Variants in GK observed in about 807,000 individuals in gnomAD.
GK encodes glycerol kinase, also known as ATP:glycerol 3-phosphotransferase.
In GK, 9 loss-of-function variants were observed where a neutral mutation model predicts 56.4. That is an observed-to-expected ratio of 0.16 (90% CI 0.10 to 0.28). The LOEUF (loss-of-function observed/expected upper bound fraction) is 0.28. Ranked by LOEUF, GK falls within the 10% of genes least tolerant of loss-of-function variation. The pLI, the probability that GK is intolerant of heterozygous loss-of-function variation, is 1.00. For synonymous variants in GK, 104 were observed against 144.1 expected (o/e 0.72, Z 1.99); for missense variants, 161 against 431.4 (o/e 0.37, Z 5.55).
rs12844258 is a variant in GK, at chrX:30,696,691, A to G, written c.729+8A>G. The G allele has an allele frequency of 7.9e-6, 9 of 1,136,513 alleles. No homozygotes were observed. Among genetic ancestry groups the G allele is most frequent in the Non-Finnish European group, 9.6e-6 (8 of 829,194 alleles). 93.7% of individuals were successfully genotyped at this position (1,136,513 alleles called of 1,213,427 possible). Reference sequence around the variant, plus strand: ...GAGATCTATGGCCTAATGGTAAAAAACAAACAAACAAACAAAAAACACACC... The same window carrying G: ...GAGATCTATGGCCTAATGGTAAAAAGCAAACAAACAAACAAAAAACACACC... On this transcript the variant is annotated splice_region_variant and intron_variant, in intron 8 of 20. Transcript: ENST00000427190.
At chrX:30,655,427 CA>C (rs1351127899) in intron 1 of GK, among the ~76,000 whole-genome samples, 4 of 111,768 alleles carry the variant, frequency 3.6e-5, no homozygotes, top group Non-Finnish European at 5.6e-5. Flanking sequence ...GAGAGATATC[CA>C]GGTCAAGGGG....
intron 6 of GK, among the ~76,000 whole-genome samples, chrX:30,695,423 G>C (rs1022603976): frequency 8.9e-6 from 1 of 112,253 alleles, no homozygotes; most frequent in Admixed American, 9.4e-5. Flanking sequence ...AGCACATTTT[G>C]GCTATATCCC....
chrX:30,686,357 C>A (rs938520032), intron 4 of GK, among the ~76,000 whole-genome samples: 1 of 112,190 alleles, frequency 8.9e-6, no homozygotes, highest in Non-Finnish European at 1.9e-5. Context: ...GTGGGAGAAA[C>A]AACCCAATAA....
At chrX:30,687,916 C>T (rs980435337) in intron 4 of GK, among the ~76,000 whole-genome samples, 1 of 111,959 alleles carries the variant, frequency 8.9e-6, no homozygotes, top group Non-Finnish European at 1.9e-5. Context: ...ATATTTTTCT[C>T]TTTGGCAGTT....
At chrX:30,658,357 C>G (rs963707298) in intron 1 of GK, among the ~76,000 whole-genome samples, 15 of 110,816 alleles carry the variant, frequency 1.4e-4, no homozygotes, top group African/African-American at 4.9e-4. Flanking sequence ...ACTGTGTTAC[C>G]CAAGCTGGAG....
At chrX:30,696,012 A>C (rs1022131412) in intron 6 of GK, 30 bp from the exon 7 acceptor site, 1 of 787,247 alleles carries the variant, frequency 1.3e-6, no homozygotes, top group African/African-American at 2.0e-5. Flanking sequence ...AATAAGTACA[A>C]ATTTAACCTG....
At chrX:30,675,486 C>T (rs1601888962) in intron 3 of GK, among the ~76,000 whole-genome samples, 2 of 107,439 alleles carry the variant, frequency 1.9e-5, no homozygotes, top group East Asian at 5.8e-4. Context: ...CGTGAGCCAC[C>T]GCACCCGGCC....
At chrX:30,725,668 T>C (rs996562447) in intron 19 of GK, among the ~76,000 whole-genome samples, 1 of 111,647 alleles carries the variant, frequency 9.0e-6, no homozygotes, top group African/African-American at 3.3e-5. Context: ...TTTTTGTTTT[T>C]TGAGATGGAG....
Position 30,697,714 on chromosome X carries a change from C to T in GK, c.730-18C>T, listed in dbSNP as rs1265769948. On this transcript the variant is annotated intron_variant, in intron 8 of 20. Transcript: ENST00000427190. ...ATATTATGCTTCTATCCTTCTCTCT[C>T]CCCCTTGCTGACTATAGAAAATCTC... The T allele has an allele frequency of 3.6e-6, 4 of 1,115,302 alleles. No individual in the cohort carries two copies. Among genetic ancestry groups the T allele is most frequent in the Non-Finnish European group, 4.9e-6 (4 of 810,247 alleles). 91.9% of individuals were successfully genotyped at this position (1,115,302 alleles called of 1,213,427 possible). A position where few individuals can be genotyped will look rare whatever the true frequency, so the allele number is the denominator to read the frequency against.
intron 1 of GK, among the ~76,000 whole-genome samples, chrX:30,664,112 T>C (rs1464529418): frequency 2.1e-5 from 1 of 48,278 alleles, no homozygotes; most frequent in Non-Finnish European, 4.1e-5. Context: ...TTTATAGATA[T>C]ATATTTTATA....
intron 6 of GK, among the ~76,000 whole-genome samples, chrX:30,695,743 A>C (rs1039924833): frequency 1.8e-5 from 2 of 112,564 alleles, no homozygotes; most frequent in African/African-American, 6.4e-5. Flanking sequence ...TTTTCTCAAC[A>C]TAATAGGATG....
At chrX:30,661,399 A>G (rs1291619817) in intron 1 of GK, among the ~76,000 whole-genome samples, 1 of 110,307 alleles carries the variant, frequency 9.1e-6, no homozygotes, top group East Asian at 2.9e-4. Context: ...ACTTCTGTCA[A>G]TCCCATCGCA....
chrX:30,683,943 T>G (rs1370871575), intron 4 of GK, among the ~76,000 whole-genome samples: 1 of 111,987 alleles, frequency 8.9e-6, no homozygotes, highest in Non-Finnish European at 1.9e-5. Context: ...TACTTCTCTC[T>G]TTCCCTTTTA....
rs1165852731 is a variant in GK, at chrX:30,667,998, T to A, written c.153-14T>A. 2.2e-6 allele frequency: 2 copies of A among 897,439 alleles called. No homozygotes were observed. Among genetic ancestry groups the A allele is most frequent in the Admixed American group, 4.4e-5 (2 of 45,750 alleles). The allele number at this position is 897,439 out of a possible 1,213,427, so 74.0% of individuals were successfully genotyped here. On this transcript the variant is annotated splice_polypyrimidine_tract_variant and intron_variant, in intron 2 of 20. Coordinates refer to ENST00000427190, the MANE Select transcript of GK (RefSeq NM_001205019.2). ...TTGCTTTCTTACTAACCAAATGCCTTCTTTTGTTCAAAGATGGGTGGAACA... is the reference window on the plus strand; with the variant it reads ...TTGCTTTCTTACTAACCAAATGCCTACTTTTGTTCAAAGATGGGTGGAACA...
chrX:30,700,109 G>A lies in GK; in HGVS notation c.748-305G>A, dbSNP rs752659005. The A allele has an allele frequency of 1.3e-5, 3 of 231,246 alleles. No individual in the cohort carries two copies. The South Asian group carries it at 3.5e-4, about 27-fold the overall frequency. The allele number at this position is 231,246 out of a possible 1,213,427, so 19.1% of individuals were successfully genotyped here. ...CCATTTTGTAGAGAAATAATGTGAT[G>A]TATTGAGAGGTTTCAACAGCCTGCT... On this transcript the variant is annotated intron_variant, in intron 9 of 20. Coordinates refer to ENST00000427190, the MANE Select transcript of GK (RefSeq NM_001205019.2).
intron 13 of GK, among the ~76,000 whole-genome samples, chrX:30,715,528 G>T (rs965960823): frequency 5.4e-5 from 6 of 112,020 alleles, no homozygotes; most frequent in African/African-American, 9.7e-5. Context: ...ATTCAAATTT[G>T]TAGATGATAT....
intron 1 of GK, among the ~76,000 whole-genome samples, chrX:30,656,600 C>A (rs1441829082): frequency 9.1e-6 from 1 of 110,051 alleles, no homozygotes; most frequent in Non-Finnish European, 1.9e-5. Context: ...ATTCAGAATT[C>A]CCCCCCCTTC....
At chrX:30,724,733 C>G (rs894762790) in intron 19 of GK, 7 of 206,507 alleles carry the variant, frequency 3.4e-5, no homozygotes, top group Non-Finnish European at 5.4e-5. Flanking sequence ...GTGGACTATT[C>G]TACCTTTCAG....
chrX:30,673,906 A>T (rs751482973), intron 3 of GK, among the ~76,000 whole-genome samples: 4 of 111,505 alleles, frequency 3.6e-5, no homozygotes, highest in African/African-American at 1.3e-4. Flanking sequence ...TTGTGATCCC[A>T]TGTTGTAAAG....
Sources: gnomAD v4.1 joint callset for allele counts (sites outside exome capture counted in the v4.1 genomes callset) on GRCh38, gnomAD v4.1.1 for gene constraint, MANE v1.5 for transcripts, NCBI Gene and HGNC (gene_info 2026-07-23, HGNC 2026-07-21) for gene names.